The following GRID2 variants were observed in gnomAD, a reference collection of about 807,000 sequenced individuals.
GRID2 encodes glutamate receptor ionotropic, delta-2.
In GRID2, 33 loss-of-function variants were observed where a neutral mutation model predicts 114.8. That is an observed-to-expected ratio of 0.29 (90% confidence interval 0.22 to 0.38). GRID2 has a LOEUF of 0.38. GRID2 is among the 10% of genes least tolerant of loss of function. The probability of loss-of-function intolerance (pLI) is 1.00; values close to 1 mark genes in which losing one functional copy is unlikely to be tolerated. For synonymous variants in GRID2, 505 were observed against 449.9 expected, an observed-to-expected ratio of 1.12 and a Z score of -1.55; for missense variants, 1,184 against 1,257.7, an observed-to-expected ratio of 0.94 and a Z score of 0.89.
intron 2 of GRID2, among the ~76,000 whole-genome samples, chr4:92,922,757 A>T (rs190978354): frequency 1.3e-5 from 2 of 152,308 alleles, no homozygotes; most frequent in East Asian, 1.9e-4. Flanking sequence ...AAGATGGATG[A>T]ATCTCACAAA....
At chr4:93,451,081 C>T (rs1722643510) in intron 10 of GRID2, among the ~76,000 whole-genome samples, 1 of 151,886 alleles carries the variant, frequency 6.6e-6, no homozygotes, top group Non-Finnish European at 1.5e-5. Context: ...GTAGGGGCTC[C>T]ATCTTTATTT....
At chr4:92,429,904 T>C (rs536944330) in intron 1 of GRID2, among the ~76,000 whole-genome samples, 189 of 152,340 alleles carry the variant, frequency 1.2e-3, no homozygotes, top group South Asian at 0.011. Flanking sequence ...ATATCTTCTT[T>C]TGAGAAATGT....
At chr4:93,151,164 A>G (rs372792785) in intron 4 of GRID2, among the ~76,000 whole-genome samples, 4 of 151,688 alleles carry the variant, frequency 2.6e-5, no homozygotes, top group Admixed American at 1.3e-4. Context: ...AAATACAGTC[A>G]GACAGAAGCA....
chr4:93,079,640 A>G (rs949546647), intron 2 of GRID2, among the ~76,000 whole-genome samples: 2 of 152,014 alleles, frequency 1.3e-5, no homozygotes, highest in African/African-American at 2.4e-5. Context: ...CTGAGTCAGA[A>G]TTTTCTTACT....
chr4:93,769,604 A>G (rs1472799131), intron 15 of GRID2, among the ~76,000 whole-genome samples, 154 bp downstream of exon 15: 1 of 152,224 alleles, frequency 6.6e-6, no homozygotes, highest in Non-Finnish European at 1.5e-5. Context: ...AAAAATTGGT[A>G]AGATCAATAT....
chr4:93,408,205 C>T (rs1766725537), intron 9 of GRID2, among the ~76,000 whole-genome samples: 1 of 152,058 alleles, frequency 6.6e-6, no homozygotes, highest in African/African-American at 2.4e-5. Flanking sequence ...AAAAACAAAG[C>T]GTTTGAAAAT....
rs142813372 is a variant in GRID2 at position 92,766,625 on chromosome 4, A to G, written c.244+176339A>G. On this transcript the variant is annotated intron_variant, in intron 2 of 15. Transcript: ENST00000282020. ...TGAATGAATGATATATTTGTAGAAT[A>G]TAAGACTAGACTGTCTAAAGGTCAT... 3.1e-4 allele frequency among the ~76,000 whole-genome samples: 47 copies of G among 152,248 alleles called. 1 individual carries two copies. In the East Asian group the frequency reaches 8.7e-3, roughly 28 times the overall value.
At chr4:92,779,597 C>A (rs190967660) in intron 2 of GRID2, among the ~76,000 whole-genome samples, 1 of 152,174 alleles carries the variant, frequency 6.6e-6, no homozygotes, top group Non-Finnish European at 1.5e-5. Context: ...TGGCTTCCAT[C>A]CTAAAGATCC....
intron 4 of GRID2, among the ~76,000 whole-genome samples, chr4:93,133,240 A>C (rs1734962868): frequency 6.6e-6 from 1 of 152,190 alleles, no homozygotes; most frequent in Non-Finnish European, 1.5e-5. Context: ...CCATTTTGAG[A>C]AAACTAAAAG....
chr4:92,733,815 C>T (rs886993936), intron 2 of GRID2, among the ~76,000 whole-genome samples: 5 of 152,066 alleles, frequency 3.3e-5, no homozygotes, highest in East Asian at 1.9e-4. Flanking sequence ...GTGTAGCTAC[C>T]ACCAAGCCTG....
At chr4:92,589,635 G>T (rs1413020528) in intron 1 of GRID2, among the ~76,000 whole-genome samples, 2 of 152,006 alleles carry the variant, frequency 1.3e-5, no homozygotes, top group African/African-American at 4.8e-5. Context: ...TATTATAAAA[G>T]ATAATGAAAC....
At chr4:93,324,336 A>G (rs188879868) in intron 8 of GRID2, among the ~76,000 whole-genome samples, 29 of 152,212 alleles carry the variant, frequency 1.9e-4, no homozygotes, top group African/African-American at 6.7e-4. Context: ...TTCTGTTTAT[A>G]TGATGGATTA....
chr4:92,377,563 C>A (rs529858982), intron 1 of GRID2, among the ~76,000 whole-genome samples: 2 of 152,294 alleles, frequency 1.3e-5, no homozygotes, highest in East Asian at 1.9e-4. Context: ...TCAGCAGCAT[C>A]CCACTCTACT....
At chr4:93,667,389 T>TC (rs199796217) in intron 14 of GRID2, among the ~76,000 whole-genome samples, 5,720 of 139,618 alleles carry the variant, frequency 0.041, 358 homozygotes, top group African/African-American at 0.15. Context: ...TCTCTCTCTC[T>TC]TTTTTTTTTT....
In GRID2 at chr4:92,957,772, T is replaced by G. The variant is rs147552604; in HGVS notation, c.245-127223T>G. Among the ~76,000 whole-genome samples the G allele has an allele frequency of 5.0e-3, 765 of 152,220 alleles. 12 individuals are homozygous for G. The highest frequency in any genetic ancestry group is 0.018 in the African/African-American group (738 of 41,578). ...ATTGACATATTGAAAATATTGAATC[T>G]TTTTGTCCATAAACATAAAATATTT... is the stretch of plus-strand genomic sequence containing the variant. On this transcript the variant is annotated intron_variant, in intron 2 of 15. Transcript: ENST00000282020.
intron 8 of GRID2, among the ~76,000 whole-genome samples, chr4:93,314,904 T>A (rs1050149797): frequency 2.0e-5 from 3 of 152,146 alleles, no homozygotes; most frequent in East Asian, 1.9e-4. Flanking sequence ...TTACCAGATT[T>A]CAAGTCTATA....
intron 14 of GRID2, among the ~76,000 whole-genome samples, chr4:93,725,702 G>A (rs1209890077): frequency 2.6e-5 from 4 of 151,380 alleles, no homozygotes; most frequent in Non-Finnish European, 5.9e-5. Context: ...GTATCTCATT[G>A]TGGTTTTGAT....
chr4:92,606,461 TGA>T lies in GRID2; in HGVS notation c.244+16179_244+16180del, dbSNP rs375805069. Among the ~76,000 whole-genome samples, 7 of 152,090 alleles carry T rather than the reference TGA, an allele frequency of 4.6e-5. No individual in the cohort carries two copies. In the East Asian group the frequency reaches 1.2e-3, roughly 25 times the overall value. Reference sequence around the variant, plus strand: ...ATTGGGAGGTTCAGGCATGTTTCAGTGAGAGGAAGAAGAAAGAAGGTAAGGCA... The same window carrying T: ...ATTGGGAGGTTCAGGCATGTTTCAGTGAGGAAGAAGAAAGAAGGTAAGGCA... On this transcript the variant is annotated intron_variant, in intron 2 of 15. Transcript: ENST00000282020.
intron 8 of GRID2, among the ~76,000 whole-genome samples, chr4:93,379,674 T>C (rs1294126278): frequency 6.6e-6 from 1 of 152,088 alleles, no homozygotes; most frequent in Admixed American, 6.6e-5. Context: ...GTGCTGGAGA[T>C]ATGGTGATAA....
Sources: allele counts gnomAD v4.1 joint callset (sites outside exome capture counted in the v4.1 genomes callset), GRCh38; gene constraint gnomAD v4.1.1; transcripts MANE v1.5; gene names NCBI Gene and HGNC (gene_info 2026-07-23, HGNC 2026-07-21).